The following LARS1 variants were observed in gnomAD, a reference collection of about 807,000 sequenced individuals.
The protein encoded by LARS1 is leucyl-tRNA synthetase 1.
A neutral mutation model predicts 162.8 loss-of-function variants in LARS1; 100 were observed. That is an observed-to-expected ratio of 0.61 (90% CI 0.52 to 0.73). The LOEUF (loss-of-function observed/expected upper bound fraction) is 0.73. LARS1 is among the 30% of genes least tolerant of loss of function. The probability of loss-of-function intolerance (pLI) is 0.00; values close to 1 mark genes in which losing one functional copy is unlikely to be tolerated. For missense variants in LARS1, 1,258 were observed against 1,408.9 expected (o/e 0.89, Z 1.71); for synonymous variants, 457 against 462.8 (o/e 0.99, Z 0.16).
At chr5:146,117,337 C>T (rs1055644308) in intron 31 of LARS1, among the ~76,000 whole-genome samples, 8 of 152,054 alleles carry the variant, frequency 5.3e-5, no homozygotes, top group South Asian at 2.1e-4. Context: ...CAAGCAGGGC[C>T]GGTGTCTCAT....
chr5:146,115,620 C>T (rs986157940), intron 31 of LARS1, among the ~76,000 whole-genome samples: 119 of 134,244 alleles, frequency 8.9e-4, no homozygotes, highest in African/African-American at 3.0e-3. Context: ...GCACCTGTCT[C>T]TTGAACAACT....
In LARS1 at chr5:146,143,438, T is replaced by C; in HGVS notation, c.1851A>G (p.Gly617=). Residue 617 remains glycine (G), a synonymous_variant, in exon 19 of 32, where the codon GGA becomes GGG. Coordinates refer to ENST00000394434, the MANE Select transcript of LARS1 (RefSeq NM_020117.11). ...TAATGCCCAGCGGAGACTCTGCCTG[T>C]CCATGCAAGTTACCCCCCTGCAATA... The part of the protein sequence containing the change: ...AHLLQGGNLH[G]QAESPLGIRP... 1 of 1,613,660 alleles carries C rather than the reference T, an allele frequency of 6.2e-7. No homozygotes were observed. Among genetic ancestry groups the C allele is most frequent in the East Asian group, 2.2e-5 (1 of 44,880 alleles).
At chr5:146,128,079 A>G (rs1752116524) in intron 27 of LARS1, among the ~76,000 whole-genome samples, 1 of 152,150 alleles carries the variant, frequency 6.6e-6, no homozygotes, top group Non-Finnish European at 1.5e-5. Context: ...TTTTGAATGC[A>G]GAGGAAAAAT....
intron 1 of LARS1, among the ~76,000 whole-genome samples, chr5:146,178,866 G>A (rs568966038): frequency 7.9e-5 from 12 of 152,164 alleles, no homozygotes; most frequent in African/African-American, 2.6e-4. Context: ...AGGCTGAGGA[G>A]GGAGGATTAT....
intron 2 of LARS1, among the ~76,000 whole-genome samples, chr5:146,177,004 CTTTA>C (rs1754608727): frequency 6.6e-6 from 1 of 151,954 alleles, no homozygotes; most frequent in African/African-American, 2.4e-5. Flanking sequence ...ACAAAACAAA[CTTTA>C]TTTAGAAAAA....
rs1207141541 is a variant in LARS1, at chr5:146,114,269, A to G, written c.3368T>C (p.Leu1123Ser). 3 of 1,613,952 alleles carry G rather than the reference A, an allele frequency of 1.9e-6. No homozygotes were observed. The East Asian group carries it at 6.7e-5, about 36-fold the overall frequency. The change falls in exon 32 of 32, where the codon TTG (leucine) becomes TCG (serine). Residue 1123 changes from leucine to serine, a missense_variant. By Grantham distance (145) the Leu-to-Ser change is moderately radical. Transcript: ENST00000394434. ...CAGGACAGGAACTCGTCGAGGCCCC[A>G]ACAGTGGATCATCAAATCTCATCAG... is the stretch of plus-strand genomic sequence containing the variant. ...VKLMRFDDPL[L>S]GPRRVPVLGK... is the part of the protein sequence containing the mutation.
At chr5:146,128,599 A>T (rs1752139324) in intron 27 of LARS1, 73 bp downstream of exon 27, 1 of 942,924 alleles carries the variant, frequency 1.1e-6, no homozygotes, top group Non-Finnish European at 1.6e-6. Context: ...GACATTGCCA[A>T]CATCCTAAAA....
At chr5:146,153,061 A>G in intron 13 of LARS1, 113 bp downstream of exon 13, 1 of 801,144 alleles carries the variant, frequency 1.2e-6, no homozygotes, top group East Asian at 2.8e-5. Flanking sequence ...CCTTAAGCAA[A>G]CTCTCTTTTT....
intron 21 of LARS1, among the ~76,000 whole-genome samples, chr5:146,135,898 G>A (rs1165801386): frequency 6.6e-6 from 1 of 152,230 alleles, no homozygotes; most frequent in Non-Finnish European, 1.5e-5. Flanking sequence ...AGGACCTCCA[G>A]ACTCACACTC....
intron 10 of LARS1, among the ~76,000 whole-genome samples, 183 bp from the exon 11 acceptor site, chr5:146,154,163 T>C (rs957202847): frequency 1.3e-5 from 2 of 152,154 alleles, no homozygotes; most frequent in Admixed American, 6.5e-5. Flanking sequence ...TACTTGAAAA[T>C]TGCTGTGTAG....
intron 28 of LARS1, among the ~76,000 whole-genome samples, chr5:146,124,776 C>T (rs1008334040): frequency 1.3e-5 from 2 of 151,826 alleles, no homozygotes; most frequent in South Asian, 2.1e-4. Context: ...TCACTGTTTT[C>T]GCTTACTATG....
intron 22 of LARS1, 81 bp from the exon 23 acceptor site, chr5:146,133,162 C>T: frequency 1.7e-6 from 2 of 1,154,012 alleles, no homozygotes; most frequent in Non-Finnish European, 2.5e-6. Flanking sequence ...CAGTTGGATA[C>T]CTTGCAAAGC....
intron 8 of LARS1, among the ~76,000 whole-genome samples, chr5:146,158,718 T>C: frequency 6.6e-6 from 1 of 152,216 alleles, no homozygotes; most frequent in Non-Finnish European, 1.5e-5. Flanking sequence ...CCTCTCCCCA[T>C]GCTTTCTTTT....
chr5:146,172,060 C>T (rs1324807377), intron 3 of LARS1, 70 bp from the exon 4 acceptor site: 2 of 1,371,970 alleles, frequency 1.5e-6, no homozygotes, highest in South Asian at 2.4e-5. Context: ...GAACTTTTCA[C>T]ACAAAAAAAT....
chr5:146,167,746 G>C (rs1278087423), intron 5 of LARS1, among the ~76,000 whole-genome samples: 1 of 150,654 alleles, frequency 6.6e-6, no homozygotes, highest in East Asian at 2.0e-4. Context: ...AGCCAGGATG[G>C]TCTCGATCTC....
chr5:146,181,936 GTTTA>G (rs1369627406), intron 1 of LARS1, among the ~76,000 whole-genome samples: 1 of 104,482 alleles, frequency 9.6e-6, no homozygotes, highest in Non-Finnish European at 1.9e-5. Flanking sequence ...TTATTTGTTT[GTTTA>G]TTTATTTATT....
intron 18 of LARS1, among the ~76,000 whole-genome samples, chr5:146,143,995 CTG>C (rs1752904954): frequency 6.6e-6 from 1 of 152,108 alleles, no homozygotes; most frequent in East Asian, 1.9e-4. Context: ...GAGCAAGACT[CTG>C]TCTCTAAAAA....
At chr5:146,156,100 C>T (rs1436154224) in intron 10 of LARS1, among the ~76,000 whole-genome samples, 1 of 152,070 alleles carries the variant, frequency 6.6e-6, no homozygotes, top group African/African-American at 2.4e-5. Flanking sequence ...TGTGTAAAAA[C>T]AGAGGGACAA....
At position 146,172,778 on chromosome 5, in the gene LARS1, C is replaced by A; in HGVS notation, c.126-4G>T. On this transcript the variant is annotated splice_polypyrimidine_tract_variant and splice_region_variant and intron_variant, in intron 2 of 31. Coordinates refer to ENST00000394434, the MANE Select transcript of LARS1 (RefSeq NM_020117.11). ...GGTTACAAAATACTTGCCCTTGCTGCAAAACAACAGTATAAAAAAGAAAGT... is the reference window on the plus strand; with the variant it reads ...GGTTACAAAATACTTGCCCTTGCTGAAAAACAACAGTATAAAAAAGAAAGT... 1 of 1,512,016 alleles carries A rather than the reference C, an allele frequency of 6.6e-7. No individual in the cohort carries two copies. Among genetic ancestry groups the A allele is most frequent in the East Asian group, 2.4e-5 (1 of 41,330 alleles). 93.7% of individuals were successfully genotyped at this position (1,512,016 alleles called of 1,614,324 possible). A position where few individuals can be genotyped will look rare whatever the true frequency, so the allele number is the denominator to read the frequency against.
Sources: allele counts gnomAD v4.1 joint callset (sites outside exome capture counted in the v4.1 genomes callset), GRCh38; gene constraint gnomAD v4.1.1; transcripts MANE v1.5; gene names NCBI Gene and HGNC (gene_info 2026-07-23, HGNC 2026-07-21).